ANKRD30BL: variants seen among roughly 807,000 people sequenced by gnomAD.
ANKRD30BL encodes ankyrin repeat domain 30B like.
In ANKRD30BL, 20 loss-of-function variants were observed where a neutral mutation model predicts 18.4. The observed-to-expected ratio is 1.09, with a 90% CI of 0.77 to 1.58. The LOEUF is 1.58. Ranked by LOEUF, ANKRD30BL falls within the 40% of genes most tolerant of loss-of-function variation. The pLI is 0.00. For missense variants in ANKRD30BL, 224 were observed against 268.6 expected, an observed-to-expected ratio of 0.83 and a Z score of 1.16; for synonymous variants, 72 against 100.9, an observed-to-expected ratio of 0.71 and a Z score of 1.72.
chr2:132,188,823 G>A (rs1678780207), intron 1 of ANKRD30BL, among the ~76,000 whole-genome samples: 1 of 152,082 alleles, frequency 6.6e-6, no homozygotes, highest in Non-Finnish European at 1.5e-5. Context: ...CACTTAAAAT[G>A]GCATTATACA....
intron 1 of ANKRD30BL, among the ~76,000 whole-genome samples, chr2:132,209,955 A>G (rs76528194): frequency 6.6e-6 from 1 of 152,100 alleles, no homozygotes; most frequent in African/African-American, 2.4e-5. Context: ...GCAGTTTTGA[A>G]ACACTCTTTT....
At chr2:132,219,562 C>G (rs1174508748) in intron 1 of ANKRD30BL, among the ~76,000 whole-genome samples, 1 of 151,750 alleles carries the variant, frequency 6.6e-6, no homozygotes, top group Non-Finnish European at 1.5e-5. Context: ...TTGAACATAC[C>G]TTATCATAGA....
At chr2:132,190,330 C>T (rs902729275) in intron 1 of ANKRD30BL, among the ~76,000 whole-genome samples, 3 of 151,688 alleles carry the variant, frequency 2.0e-5, no homozygotes, top group Non-Finnish European at 4.4e-5. Context: ...ATTCCCTCAA[C>T]AACTAGTTAC....
intron 5 of ANKRD30BL, among the ~76,000 whole-genome samples, chr2:132,150,499 G>T (rs1687730209): frequency 6.6e-6 from 1 of 150,840 alleles, no homozygotes; most frequent in Non-Finnish European, 1.5e-5. Context: ...TCATTAAATT[G>T]GATAAGCTGA....
At chr2:132,239,744 C>G (rs1436053154) in intron 1 of ANKRD30BL, among the ~76,000 whole-genome samples, 2 of 151,810 alleles carry the variant, frequency 1.3e-5, no homozygotes, top group Non-Finnish European at 2.9e-5. Context: ...TTGAAACACT[C>G]TTTTTGTAGT....
At chr2:132,178,841 GA>G (rs1475906880) in intron 1 of ANKRD30BL, among the ~76,000 whole-genome samples, 2 of 151,938 alleles carry the variant, frequency 1.3e-5, no homozygotes, top group Non-Finnish European at 2.9e-5. Context: ...CATGATAGGG[GA>G]AAATTGATGG....
chr2:132,184,807 G>A (rs1014966282), intron 1 of ANKRD30BL, among the ~76,000 whole-genome samples: 1 of 151,430 alleles, frequency 6.6e-6, no homozygotes, highest in African/African-American at 2.4e-5. Context: ...GAATTAAGAA[G>A]CTTCAAAATT....
intron 1 of ANKRD30BL, among the ~76,000 whole-genome samples, chr2:132,230,660 G>T (rs1310206473): frequency 1.3e-5 from 2 of 152,106 alleles, no homozygotes. Flanking sequence ...ATAAAAACTA[G>T]ACAGAAGCAT....
At chr2:132,247,813 T>C (rs1368733741) in intron 1 of ANKRD30BL, among the ~76,000 whole-genome samples, 1 of 152,026 alleles carries the variant, frequency 6.6e-6, no homozygotes, top group Admixed American at 6.6e-5. Context: ...ATGCAGATAG[T>C]ACAAAAAGAC....
At chr2:132,163,056 G>A (rs1451811999), upstream of ANKRD30BL, among the ~76,000 whole-genome samples, 4 of 152,224 alleles carry the variant, frequency 2.6e-5, no homozygotes, top group African/African-American at 9.6e-5. Flanking sequence ...GTCATCTGCA[G>A]CCCTCCTGGA....
chr2:132,254,045 C>T lies in ANKRD30BL; in HGVS notation n.441+3484G>A, dbSNP rs375335833. On this transcript the variant is annotated intron_variant and non_coding_transcript_variant, in intron 1 of 4. Transcript: ENST00000470729. ...CACTGAGACCCCCACCCCACCGTGA[C>T]GCCGAGAACCACCCCCGCGCCCACC... Among the ~76,000 whole-genome samples, 774 of 151,648 alleles carry T rather than the reference C, an allele frequency of 5.1e-3. 9 individuals carry two copies. The highest frequency in any genetic ancestry group is 0.035 in the East Asian group (175 of 5,038).
At chr2:132,191,737 A>ATTTTTTT (rs777830399) in intron 1 of ANKRD30BL, among the ~76,000 whole-genome samples, 4 of 111,888 alleles carry the variant, frequency 3.6e-5, no homozygotes, top group Non-Finnish European at 7.4e-5. Context: ...ATGGAGTTTG[A>ATTTTTTT]TTTTTTTTTT....
chr2:132,183,582 C>A (rs1048217828), intron 1 of ANKRD30BL, among the ~76,000 whole-genome samples: 17 of 151,912 alleles, frequency 1.1e-4, no homozygotes, highest in African/African-American at 4.1e-4. Context: ...GTGAGAGAGA[C>A]TAGAAGTTCC....
chr2:132,235,179 G>A (rs1478905322), intron 1 of ANKRD30BL, among the ~76,000 whole-genome samples: 1 of 152,026 alleles, frequency 6.6e-6, no homozygotes, highest in African/African-American at 2.4e-5. Context: ...GTATTGATGG[G>A]ACATATTTCA....
At chr2:132,235,188 C>A (rs1680121117) in intron 1 of ANKRD30BL, among the ~76,000 whole-genome samples, 1 of 152,082 alleles carries the variant, frequency 6.6e-6, no homozygotes, top group Non-Finnish European at 1.5e-5. Context: ...GGACATATTT[C>A]AAAATAATAA....
chr2:132,211,738 T>C (rs1328539921), intron 1 of ANKRD30BL, among the ~76,000 whole-genome samples: 2 of 152,040 alleles, frequency 1.3e-5, no homozygotes, highest in South Asian at 4.1e-4. Flanking sequence ...GGAAATATCT[T>C]CACATAAAAA....
chr2:132,186,264 A>G (rs1298950469), intron 1 of ANKRD30BL, among the ~76,000 whole-genome samples: 1 of 152,176 alleles, frequency 6.6e-6, no homozygotes, highest in East Asian at 1.9e-4. Flanking sequence ...AAAAACATAT[A>G]AATAGTACGT....
At chr2:132,232,567 C>A (rs1208299392) in intron 1 of ANKRD30BL, among the ~76,000 whole-genome samples, 1 of 151,682 alleles carries the variant, frequency 6.6e-6, no homozygotes, top group African/African-American at 2.4e-5. Context: ...ATGCAATCAA[C>A]TGGAAAAAAG....
At chr2:132,193,299 C>T (rs538745946) in intron 1 of ANKRD30BL, among the ~76,000 whole-genome samples, 1 of 152,292 alleles carries the variant, frequency 6.6e-6, no homozygotes, top group South Asian at 2.1e-4. Flanking sequence ...CTCTGACTGT[C>T]TTACTTTTCA....
Sources: gnomAD v4.1 joint callset for allele counts (sites outside exome capture counted in the v4.1 genomes callset) on GRCh38, gnomAD v4.1.1 for gene constraint, MANE v1.5 for transcripts, NCBI Gene and HGNC (gene_info 2026-07-23, HGNC 2026-07-21) for gene names.